TXNRD3: variants seen among roughly 807,000 people sequenced by gnomAD.
TXNRD3 encodes the protein TXNRD3 neighbor gene protein.
In TXNRD3, 68 loss-of-function variants were observed where a neutral mutation model predicts 78.2. That is an observed-to-expected ratio of 0.87 (90% CI 0.72 to 1.06). The LOEUF is 1.06. TXNRD3 is among the 50% of genes least tolerant of loss of function. The pLI is 0.00. For synonymous variants in TXNRD3, 296 were observed against 300.1 expected (o/e 0.99, Z 0.14); for missense variants, 751 against 809.5 (o/e 0.93, Z 0.88).
At chr3:126,628,569 T>A (rs1938633407) in intron 10 of TXNRD3, among the ~76,000 whole-genome samples, 1 of 152,124 alleles carries the variant, frequency 6.6e-6, no homozygotes, top group Admixed American at 6.5e-5. Context: ...AAATACCATT[T>A]GTGACTACAT....
chr3:126,626,231 C>T (rs1020317913), intron 10 of TXNRD3, among the ~76,000 whole-genome samples: 3 of 152,122 alleles, frequency 2.0e-5, no homozygotes, highest in African/African-American at 7.2e-5. Flanking sequence ...CTTCCATGAC[C>T]TTTGGGTTAG....
intron 10 of TXNRD3, among the ~76,000 whole-genome samples, chr3:126,626,610 T>C (rs555392709): frequency 6.6e-6 from 1 of 152,320 alleles, no homozygotes; most frequent in African/African-American, 2.4e-5. Context: ...TTCACTAGAA[T>C]GCCTAGAATG....
chr3:126,635,617 A>G (rs909007033), intron 6 of TXNRD3, among the ~76,000 whole-genome samples: 15 of 152,256 alleles, frequency 9.9e-5, no homozygotes, highest in African/African-American at 2.9e-4. Context: ...AGAAAAAAAA[A>G]GTCTCATGGA....
intron 1 of TXNRD3, among the ~76,000 whole-genome samples, chr3:126,647,589 G>A (rs1390937890): frequency 2.6e-5 from 4 of 151,912 alleles, no homozygotes; most frequent in Non-Finnish European, 5.9e-5. Flanking sequence ...TTCCACCTGC[G>A]TGTCCCACAG....
chr3:126,619,434 G>A (rs1447062693), intron 12 of TXNRD3, among the ~76,000 whole-genome samples: 1 of 152,162 alleles, frequency 6.6e-6, no homozygotes, highest in Non-Finnish European at 1.5e-5. Context: ...GGAAGACATT[G>A]TATTAAGTGA....
intron 1 of TXNRD3, 29 bp downstream of exon 1, chr3:126,654,719 G>C (rs1181274042): frequency 7.1e-6 from 9 of 1,261,870 alleles, no homozygotes; most frequent in Non-Finnish European, 8.9e-6. Context: ...CCGGTCGCGC[G>C]CGGTGGAACC....
At position 126,623,852 on chromosome 3, in the gene TXNRD3, C is replaced by CAAAA. The variant is rs4021853; in HGVS notation, c.1291-1316_1291-1313dup. On this transcript the variant is annotated intron_variant, in intron 10 of 15. Transcript: ENST00000524230. ...GAGGTATTAGCCAGTGAAACAAGGC[C>CAAAA]AAAAAAAAAAAAAAAAAAGATTAAA... Among the ~76,000 whole-genome samples the CAAAA allele has an allele frequency of 8.5e-4, 95 of 112,028 alleles. No individual in the cohort carries two copies. In the East Asian group the frequency reaches 0.01, roughly 12 times the overall value. 73.5% of individuals were successfully genotyped at this position (112,028 alleles called of 152,430 possible). A position where few individuals can be genotyped will look rare whatever the true frequency, so the allele number is the denominator to read the frequency against.
At chr3:126,642,999 T>G (rs1393090818) in intron 5 of TXNRD3, among the ~76,000 whole-genome samples, 2 of 152,130 alleles carry the variant, frequency 1.3e-5, no homozygotes, top group Non-Finnish European at 2.9e-5. Context: ...CCTAAACTAG[T>G]GACAGCAGTG....
chr3:126,613,779 C>T (rs1463656542), intron 13 of TXNRD3, among the ~76,000 whole-genome samples: 1 of 152,222 alleles, frequency 6.6e-6, no homozygotes, highest in Non-Finnish European at 1.5e-5. Flanking sequence ...TAATCATGTA[C>T]AGTACATAAT....
Position 126,651,257 on chromosome 3 carries a change from G to T in TXNRD3, c.243+3491C>A, listed in dbSNP as rs143632931. Among the ~76,000 whole-genome samples the T allele has an allele frequency of 1.9e-3, 293 of 152,260 alleles. 1 individual carries two copies. The highest frequency in any genetic ancestry group is 3.0e-3 in the Non-Finnish European group (207 of 68,002). ...CTCAGTCAAGCAAGAAAAACACTTG[G>T]CGAAAGTACGGGAAGATCTGCCTTC... On this transcript the variant is annotated intron_variant, in intron 1 of 15. Transcript: ENST00000524230.
At chr3:126,647,650 T>G (rs1410357557) in intron 1 of TXNRD3, among the ~76,000 whole-genome samples, 4 of 152,112 alleles carry the variant, frequency 2.6e-5, no homozygotes, top group African/African-American at 9.7e-5. Flanking sequence ...TTCCACTCAG[T>G]AAGACCCCAT....
intron 1 of TXNRD3, 133 bp from the exon 2 acceptor site, chr3:126,647,429 T>G: frequency 1.5e-6 from 1 of 664,418 alleles, no homozygotes; most frequent in Non-Finnish European, 2.5e-6. Context: ...GTGGTTTTTG[T>G]TTTTGTTTTT....
chr3:126,618,863 CAAAAAAAAAA>C (rs36021189), intron 12 of TXNRD3, among the ~76,000 whole-genome samples: 3 of 73,114 alleles, frequency 4.1e-5, no homozygotes, highest in Admixed American at 1.5e-4. Context: ...AACTCAGAGC[CAAAAAAAAAA>C]AAAAAAAAAA....
chr3:126,611,168 T>C, intron 13 of TXNRD3, 36 bp from the exon 14 acceptor site: 1 of 1,327,462 alleles, frequency 7.5e-7, no homozygotes, highest in Admixed American at 2.4e-5. Context: ...GCAGAATTAA[T>C]GTATATGGAA....
intron 1 of TXNRD3, among the ~76,000 whole-genome samples, chr3:126,647,755 A>C (rs1274951847): frequency 6.6e-6 from 1 of 152,176 alleles, no homozygotes; most frequent in Non-Finnish European, 1.5e-5. Flanking sequence ...GGATCGCTGA[A>C]GCCCAGAAGT....
At chr3:126,633,093 T>C (rs768903992) in intron 7 of TXNRD3, among the ~76,000 whole-genome samples, 1 of 152,156 alleles carries the variant, frequency 6.6e-6, no homozygotes, top group Non-Finnish European at 1.5e-5. Flanking sequence ...GGGTGAAATA[T>C]ATCTTTAACT....
chr3:126,616,228 T>C (rs572655870), intron 12 of TXNRD3, among the ~76,000 whole-genome samples: 67 of 152,272 alleles, frequency 4.4e-4, no homozygotes, highest in African/African-American at 1.6e-3. Context: ...TGAAACCATG[T>C]GCATGGAGAG....
At position 126,631,037 on chromosome 3, in the gene TXNRD3, T is replaced by C. The variant is rs1270928149; in HGVS notation, c.972-100A>G. On this transcript the variant is annotated intron_variant, in intron 8 of 15. Transcript: ENST00000524230. ...TGGTCTTGTGATGACTGAATTATAATTTAGTGCTTGAATGAAGCAACAGCC... is the reference window on the plus strand; with the variant it reads ...TGGTCTTGTGATGACTGAATTATAACTTAGTGCTTGAATGAAGCAACAGCC... The C allele has an allele frequency of 5.9e-6, 7 of 1,189,152 alleles. No individual in the cohort carries two copies. In the African/African-American group the frequency reaches 1.1e-4, roughly 18 times the overall value. 73.7% of individuals were successfully genotyped at this position (1,189,152 alleles called of 1,614,324 possible). A position where few individuals can be genotyped will look rare whatever the true frequency, so the allele number is the denominator to read the frequency against.
At chr3:126,610,205 T>C (rs1341304616) in intron 14 of TXNRD3, among the ~76,000 whole-genome samples, 1 of 152,200 alleles carries the variant, frequency 6.6e-6, no homozygotes, top group Non-Finnish European at 1.5e-5. Flanking sequence ...GAGAATAAGA[T>C]AAATACAGAG....
Sources: allele counts gnomAD v4.1 joint callset (sites outside exome capture counted in the v4.1 genomes callset), GRCh38; gene constraint gnomAD v4.1.1; transcripts MANE v1.5; gene names NCBI Gene and HGNC (gene_info 2026-07-23, HGNC 2026-07-21).